The following MARCHF1 variants were observed in gnomAD, a reference collection of about 807,000 sequenced individuals.
MARCHF1 encodes the protein E3 ubiquitin-protein ligase MARCHF1.
Under a neutral mutation model 54.2 loss-of-function variants are expected in MARCHF1, and 40 were observed. That is an observed-to-expected ratio of 0.74 (90% confidence interval 0.57 to 0.96). The LOEUF (loss-of-function observed/expected upper bound fraction) is 0.96, where lower values mean the gene tolerates loss of function less well. Among genes scored for constraint, MARCHF1 ranks in the 40% least tolerant of loss-of-function variants. The pLI is 0.00. For synonymous variants in MARCHF1, 236 were observed against 236.3 expected (o/e 1.00, Z 0.01); for missense variants, 586 against 656.5 (o/e 0.89, Z 1.17).
At chr4:163,880,523 TC>T (rs1440736841) in intron 3 of MARCHF1, among the ~76,000 whole-genome samples, 1 of 151,500 alleles carries the variant, frequency 6.6e-6, no homozygotes, top group Non-Finnish European at 1.5e-5. Context: ...ATTCTTTTAA[TC>T]CTTTAAATTA....
chr4:163,622,014 A>G (rs1167571373), intron 5 of MARCHF1, among the ~76,000 whole-genome samples: 1 of 152,052 alleles, frequency 6.6e-6, no homozygotes, highest in Admixed American at 6.6e-5. Flanking sequence ...TGGACCTGAG[A>G]TAGTTCCCTC....
intron 1 of MARCHF1, among the ~76,000 whole-genome samples, chr4:164,281,372 C>T (rs967525494): frequency 6.6e-6 from 1 of 152,108 alleles, no homozygotes; most frequent in Non-Finnish European, 1.5e-5. Context: ...GTATATTAGG[C>T]ACTCTGATAG....
At chr4:164,309,635 CCTTT>C (rs1579709262) in intron 1 of MARCHF1, among the ~76,000 whole-genome samples, 1 of 152,128 alleles carries the variant, frequency 6.6e-6, no homozygotes, top group African/African-American at 2.4e-5. Context: ...GCAATTCACG[CCTTT>C]CTGTTTTCTT....
intron 4 of MARCHF1, among the ~76,000 whole-genome samples, chr4:163,831,935 T>C (rs1167428824): frequency 6.6e-6 from 1 of 152,176 alleles, no homozygotes; most frequent in African/African-American, 2.4e-5. Context: ...GGAGTTTGTG[T>C]TATAGAGAGT....
At chr4:163,887,538 G>A (rs1263851737) in intron 3 of MARCHF1, among the ~76,000 whole-genome samples, 1 of 152,106 alleles carries the variant, frequency 6.6e-6, no homozygotes, top group Non-Finnish European at 1.5e-5. Context: ...TTCCTATCCT[G>A]CTGAATCAGA....
At chr4:164,242,813 G>A (rs6829027) in intron 1 of MARCHF1, among the ~76,000 whole-genome samples, 2 of 151,714 alleles carry the variant, frequency 1.3e-5, no homozygotes, top group African/African-American at 2.4e-5. Context: ...ACCAAGGCTC[G>A]AGAACTACGT....
At chr4:164,368,772 A>T (rs1730950371) in intron 1 of MARCHF1, among the ~76,000 whole-genome samples, 2 of 152,206 alleles carry the variant, frequency 1.3e-5, no homozygotes, top group African/African-American at 4.8e-5. Context: ...AATAAATATG[A>T]CTTCCACAGT....
intron 1 of MARCHF1, among the ~76,000 whole-genome samples, chr4:164,144,884 C>A (rs1319355375): frequency 8.3e-6 from 1 of 120,640 alleles, no homozygotes; most frequent in Admixed American, 9.2e-5. Context: ...AATCCAGGAG[C>A]TGGTTTTTTG....
chr4:164,046,716 C>T (rs1038394693), intron 2 of MARCHF1, among the ~76,000 whole-genome samples: 5 of 152,114 alleles, frequency 3.3e-5, no homozygotes, highest in African/African-American at 1.2e-4. Flanking sequence ...ATTTTTAGGA[C>T]ATCACTGCAT....
rs149340047 is a variant in MARCHF1, at chr4:163,870,217, C to T, written c.-38-16048G>A. On this transcript the variant is annotated intron_variant, in intron 3 of 9. Transcript: ENST00000514618. ...AAATTATTTTTCAATTCTCTACATT[C>T]AATTTTTAAAAATTTTCTGTATTAC... is the stretch of plus-strand genomic sequence containing the variant. Among the ~76,000 whole-genome samples, 329 of 152,066 alleles carry T rather than the reference C, an allele frequency of 2.2e-3. 1 individual carries two copies. The highest frequency in any genetic ancestry group is 7.6e-3 in the African/African-American group (317 of 41,502).
chr4:164,091,434 A>ATATATATATAT (rs56887424), intron 2 of MARCHF1, among the ~76,000 whole-genome samples: 1 of 147,066 alleles, frequency 6.8e-6, no homozygotes, highest in Non-Finnish European at 1.5e-5. Context: ...ATATATGTAT[A>ATATATATATAT]AAATGAATTG....
chr4:164,103,987 C>T (rs1158227078), intron 2 of MARCHF1, among the ~76,000 whole-genome samples: 1 of 150,892 alleles, frequency 6.6e-6, no homozygotes, highest in Non-Finnish European at 1.5e-5. Context: ...CTACAAACAC[C>T]TCTACGCAAA....
rs143778773 is a variant in MARCHF1 at position 163,550,232 on chromosome 4, A to T, written c.1192-4489T>A. On this transcript the variant is annotated intron_variant, in intron 8 of 9. Transcript: ENST00000514618. ...GGGAGGCAGAGATTGCAGTGGGCCGAGATCGCGCCACTGCACTCCAGCCTC... is the reference window on the plus strand; with the variant it reads ...GGGAGGCAGAGATTGCAGTGGGCCGTGATCGCGCCACTGCACTCCAGCCTC... Among the ~76,000 whole-genome samples, 1,209 of 148,158 alleles carry T rather than the reference A, an allele frequency of 8.2e-3. 18 individuals carry two copies. The highest frequency in any genetic ancestry group is 0.027 in the African/African-American group (1,078 of 39,984).
intron 5 of MARCHF1, among the ~76,000 whole-genome samples, chr4:163,677,075 C>A (rs551730294): frequency 9.3e-4 from 141 of 152,150 alleles, no homozygotes; most frequent in African/African-American, 3.3e-3. Flanking sequence ...ATAATACAAG[C>A]TCAAAACATA....
chr4:163,669,963 G>A (rs1279160392), intron 5 of MARCHF1, among the ~76,000 whole-genome samples: 1 of 152,012 alleles, frequency 6.6e-6, no homozygotes, highest in Non-Finnish European at 1.5e-5. Context: ...ATTCTCCAAA[G>A]CCTACAAAGA....
intron 1 of MARCHF1, among the ~76,000 whole-genome samples, chr4:164,112,810 A>G (rs1388878358): frequency 6.6e-6 from 1 of 152,014 alleles, no homozygotes; most frequent in African/African-American, 2.4e-5. Context: ...AATATATTGC[A>G]TAGAACCATG....
At chr4:164,248,343 A>AT (rs2111235839) in intron 1 of MARCHF1, among the ~76,000 whole-genome samples, 1 of 152,254 alleles carries the variant, frequency 6.6e-6, no homozygotes, top group East Asian at 1.9e-4. Flanking sequence ...CCCAAGGTGC[A>AT]TTGTGAGAGT....
chr4:164,136,313 G>C (rs894025953), intron 1 of MARCHF1, among the ~76,000 whole-genome samples: 4 of 149,368 alleles, frequency 2.7e-5, no homozygotes, highest in Non-Finnish European at 5.9e-5. Flanking sequence ...GCATTGAAGA[G>C]GTAAGAAAAA....
chr4:164,359,855 G>C (rs1470727899), intron 1 of MARCHF1, among the ~76,000 whole-genome samples: 2 of 152,138 alleles, frequency 1.3e-5, no homozygotes, highest in Non-Finnish European at 2.9e-5. Context: ...TAAACTGTCA[G>C]AACCTCTGGG....
Sources: allele counts gnomAD v4.1 joint callset (sites outside exome capture counted in the v4.1 genomes callset), GRCh38; gene constraint gnomAD v4.1.1; transcripts MANE v1.5; gene names NCBI Gene and HGNC (gene_info 2026-07-23, HGNC 2026-07-21).